Variants in RRM2 observed in about 807,000 individuals in gnomAD.
The protein encoded by RRM2 is ribonucleotide reductase regulatory subunit M2, also known as ribonucleoside-diphosphate reductase subunit M2.
In RRM2, 6 loss-of-function variants were observed where a neutral mutation model predicts 45.9. That is an observed-to-expected ratio of 0.13 (90% CI 0.07 to 0.26). RRM2 has a LOEUF of 0.26. Ranked by LOEUF, RRM2 falls within the 10% of genes least tolerant of loss-of-function variation. The pLI is 1.00. For missense variants in RRM2, 343 were observed against 489.5 expected (o/e 0.70, Z 2.82); for synonymous variants, 177 against 173.0 (o/e 1.02, Z -0.18).
chr2:10,125,511 C>G (rs754142722), intron 5 of RRM2, among the ~76,000 whole-genome samples: 15 of 152,150 alleles, frequency 9.9e-5, no homozygotes, highest in Non-Finnish European at 1.8e-4. Flanking sequence ...CGAGACCATC[C>G]TGGCTAACAC....
intron 3 of RRM2, among the ~76,000 whole-genome samples, chr2:10,208,920 T>C (rs1238170277): frequency 6.6e-6 from 1 of 151,934 alleles, no homozygotes; most frequent in Non-Finnish European, 1.5e-5. Context: ...CCCTCCCACC[T>C]CTCCAGCTCA....
chr2:10,145,847 C>T (rs1379788781), intron 3 of RRM2: 1 of 152,248 alleles, frequency 6.6e-6, no homozygotes, highest in Admixed American at 6.5e-5. Context: ...ATAGAAATTA[C>T]ATCTCTGGGA....
At chr2:10,149,711 T>G (rs1558388593) in intron 3 of RRM2, among the ~76,000 whole-genome samples, 1 of 152,244 alleles carries the variant, frequency 6.6e-6, no homozygotes, top group Non-Finnish European at 1.5e-5. Context: ...CAGTGCCATG[T>G]GCAGTTGTAG....
At chr2:10,168,689 A>C (rs1212354178) in intron 3 of RRM2, among the ~76,000 whole-genome samples, 1 of 149,928 alleles carries the variant, frequency 6.7e-6, no homozygotes, top group Non-Finnish European at 1.5e-5. Context: ...TCCACCTTCC[A>C]GCCACCTGTC....
At chr2:10,140,106 G>A, upstream of RRM2, among the ~76,000 whole-genome samples, 1 of 152,128 alleles carries the variant, frequency 6.6e-6, no homozygotes, top group Non-Finnish European at 1.5e-5. Flanking sequence ...AATTAGCTGG[G>A]CGTGGTGGCG....
At chr2:10,207,743 A>G (rs1283949888) in intron 3 of RRM2, among the ~76,000 whole-genome samples, 1 of 152,068 alleles carries the variant, frequency 6.6e-6, no homozygotes, top group Admixed American at 6.6e-5. Flanking sequence ...GCTCTCCCCC[A>G]TTAAATGTTC....
Position 10,169,332 on chromosome 2 carries a change from C to T in RRM2, n.482+26957C>T, listed in dbSNP as rs1257326173. Among the ~76,000 whole-genome samples, 2 of 152,036 alleles carry T rather than the reference C, an allele frequency of 1.3e-5. No homozygotes were observed. Among genetic ancestry groups the T allele is most frequent in the South Asian group, 2.1e-4 (1 of 4,824 alleles). On this transcript the variant is annotated intron_variant and non_coding_transcript_variant, in intron 3 of 3. Transcript: ENST00000381786. This position sits in a 1 kb window ranked among gnomAD's most constrained non-coding sequence, Gnocchi z 5.1. ...CACCCCCTTCAGGTGTAGTTTTAGACGTGCAACATGAGGGGAAATCTTAGG... is the reference window on the plus strand; with the variant it reads ...CACCCCCTTCAGGTGTAGTTTTAGATGTGCAACATGAGGGGAAATCTTAGG...
At chr2:10,209,493 T>C (rs1046570436) in intron 3 of RRM2, among the ~76,000 whole-genome samples, 3 of 152,204 alleles carry the variant, frequency 2.0e-5, no homozygotes, top group Non-Finnish European at 4.4e-5. Flanking sequence ...TGTGGGAATA[T>C]GCTTCTGGAA....
At chr2:10,208,341 C>T (rs1045533656) in intron 3 of RRM2, among the ~76,000 whole-genome samples, 1 of 152,184 alleles carries the variant, frequency 6.6e-6, no homozygotes, top group Non-Finnish European at 1.5e-5. Flanking sequence ...AAGAGCCTTT[C>T]CCATTTTGAA....
At chr2:10,156,952 G>A (rs1038840598) in intron 3 of RRM2, among the ~76,000 whole-genome samples, 4 of 149,602 alleles carry the variant, frequency 2.7e-5, no homozygotes, top group Non-Finnish European at 4.4e-5. Context: ...CCAGAGGAAC[G>A]TTTCAGATGC....
chr2:10,204,383 G>A lies in RRM2; in HGVS notation n.483-5928G>A, dbSNP rs1324669128. The stretch of plus-strand genomic sequence containing the variant: ...AAGAGAGCAGGGAAGGAGACTCCAG[G>A]GAGAGGAATGTGTGAGAAAATGGGG... On this transcript the variant is annotated intron_variant and non_coding_transcript_variant, in intron 3 of 3. Transcript: ENST00000381786. This position sits in a 1 kb window ranked among gnomAD's most constrained non-coding sequence, Gnocchi z 4.0. Among the ~76,000 whole-genome samples the A allele has an allele frequency of 6.6e-6, 1 of 152,216 alleles. No individual in the cohort carries two copies. Among genetic ancestry groups the A allele is most frequent in the African/African-American group, 2.4e-5 (1 of 41,446 alleles).
At chr2:10,158,838 C>T (rs1049983144) in intron 3 of RRM2, among the ~76,000 whole-genome samples, 3 of 152,078 alleles carry the variant, frequency 2.0e-5, no homozygotes, top group Non-Finnish European at 4.4e-5. Context: ...CCTTCTCTCC[C>T]GGGAGCTCGG....
intron 5 of RRM2, chr2:10,126,600 CTA>C (rs1310929307): frequency 7.0e-6 from 3 of 427,172 alleles, no homozygotes; most frequent in South Asian, 9.7e-5. Flanking sequence ...CTGTACTGGA[CTA>C]TGTTTTACTG....
intron 3 of RRM2, among the ~76,000 whole-genome samples, chr2:10,183,350 T>A (rs1386959899): frequency 6.6e-6 from 1 of 152,162 alleles, no homozygotes; most frequent in Admixed American, 6.5e-5. Context: ...GGGACTGGGC[T>A]CCGAGCCTCT....
At chr2:10,209,316 C>T (rs1664717734) in intron 3 of RRM2, among the ~76,000 whole-genome samples, 1 of 152,030 alleles carries the variant, frequency 6.6e-6, no homozygotes, top group African/African-American at 2.4e-5. Flanking sequence ...TCTTGGCCTC[C>T]CAAAGTGCTG....
At chr2:10,189,978 A>ATGG (rs111323201) in intron 3 of RRM2, among the ~76,000 whole-genome samples, 6,193 of 151,156 alleles carry the variant, frequency 0.041, 446 homozygotes, top group African/African-American at 0.14. Context: ...GATGGTGATG[A>ATGG]TGGTGGTGAT....
rs1664644856 is a variant in RRM2, at chr2:10,205,403, AGCTTATTGGG to A, written n.483-4901_483-4892del. Among the ~76,000 whole-genome samples the A allele has an allele frequency of 6.6e-6, 1 of 152,218 alleles. No homozygotes were observed. Among genetic ancestry groups the A allele is most frequent in the South Asian group, 2.1e-4 (1 of 4,834 alleles). The stretch of plus-strand genomic sequence containing the variant: ...TCTCTTCACTTTCAGACTCAAGTCC[AGCTTATTGGG>A]GCTTATGAAGACTTCCACCTCATAC... On this transcript the variant is annotated intron_variant and non_coding_transcript_variant, in intron 3 of 3. Transcript: ENST00000381786. The surrounding 1 kb of genome is among the most constrained non-coding windows in gnomAD (Gnocchi z 4.8).
downstream of RRM2, among the ~76,000 whole-genome samples, chr2:10,135,122 T>C (rs998631011): frequency 7.2e-5 from 11 of 152,184 alleles, no homozygotes; most frequent in African/African-American, 2.7e-4. Context: ...ACCATTCACA[T>C]CCCCAAGCCA....
chr2:10,181,883 G>C (rs1664067074), intron 3 of RRM2, among the ~76,000 whole-genome samples: 2 of 147,452 alleles, frequency 1.4e-5, no homozygotes, highest in South Asian at 4.3e-4. Context: ...TCTCACCTCA[G>C]CCTCCCGAGT....
Sources: gnomAD v4.1 joint callset for allele counts (sites outside exome capture counted in the v4.1 genomes callset) on GRCh38, gnomAD v4.1.1 for gene constraint, Gnocchi (gnomAD v3.1) non-coding constraint, MANE v1.5 for transcripts, NCBI Gene and HGNC (gene_info 2026-07-23, HGNC 2026-07-21) for gene names.